The following IMMP2L variants were observed in gnomAD, a reference collection of about 807,000 sequenced individuals.
IMMP2L encodes the protein inner mitochondrial membrane peptidase subunit 2.
IMMP2L carries 18 observed loss-of-function variants against 19.3 expected under a neutral mutation model. The ratio of observed to expected loss-of-function variants is 0.93; its 90% CI spans 0.64 to 1.38. IMMP2L has a LOEUF of 1.38. Among genes scored for constraint, IMMP2L ranks in the 40% most tolerant of loss-of-function variants. IMMP2L has a pLI of 0.00. For missense variants in IMMP2L, 233 were observed against 218.2 expected (o/e 1.07, Z -0.43); for synonymous variants, 76 against 73.0 (o/e 1.04, Z -0.21).
chr7:110,817,286 A>G (rs974252910), intron 5 of IMMP2L, among the ~76,000 whole-genome samples: 3 of 152,084 alleles, frequency 2.0e-5, no homozygotes, highest in Non-Finnish European at 2.9e-5. Flanking sequence ...AAATCAATGT[A>G]CCAAAATCAC....
intron 5 of IMMP2L, among the ~76,000 whole-genome samples, chr7:110,824,458 C>T (rs1004268646): frequency 6.6e-5 from 10 of 152,078 alleles, no homozygotes; most frequent in Non-Finnish European, 4.4e-5. Flanking sequence ...TATGAATTCC[C>T]CAGGCTCAAG....
chr7:111,347,143 C>G (rs1827650674), intron 3 of IMMP2L, among the ~76,000 whole-genome samples: 1 of 152,014 alleles, frequency 6.6e-6, no homozygotes, highest in African/African-American at 2.4e-5. Flanking sequence ...GGCAGAAAGG[C>G]TGGCTTGAGG....
At chr7:110,894,719 T>A (rs1811149113) in intron 4 of IMMP2L, among the ~76,000 whole-genome samples, 1 of 152,214 alleles carries the variant, frequency 6.6e-6, no homozygotes, top group African/African-American at 2.4e-5. Flanking sequence ...TGATGAAGTC[T>A]ATTTAAAACA....
chr7:110,777,346 G>A (rs920443573), intron 5 of IMMP2L, among the ~76,000 whole-genome samples: 5 of 151,844 alleles, frequency 3.3e-5, no homozygotes, highest in Non-Finnish European at 5.9e-5. Context: ...ATGTTTCCAT[G>A]GGGGATAAAT....
intron 5 of IMMP2L, among the ~76,000 whole-genome samples, chr7:110,884,587 A>G (rs1810017089): frequency 6.6e-6 from 1 of 152,084 alleles, no homozygotes; most frequent in Admixed American, 6.6e-5. Context: ...AAGATATTTC[A>G]CAGAGACATC....
In IMMP2L at chr7:110,738,034, C is replaced by G. The variant is rs569982584; in HGVS notation, c.409-74313G>C. Among the ~76,000 whole-genome samples, 110 of 152,274 alleles carry G rather than the reference C, an allele frequency of 7.2e-4. 1 individual carries two copies. Among genetic ancestry groups the G allele is most frequent in the African/African-American group, 2.5e-3 (103 of 41,566 alleles). ...GAGAACACCCCATCAATGAAGCACC[C>G]TGTGGGACAAAAAATCTGCACAGCA... is the stretch of plus-strand genomic sequence containing the variant. On this transcript the variant is annotated intron_variant, in intron 5 of 5. Coordinates refer to ENST00000405709, the MANE Select transcript of IMMP2L (RefSeq NM_032549.4).
At chr7:111,217,919 G>C (rs1812125001) in intron 3 of IMMP2L, among the ~76,000 whole-genome samples, 1 of 151,890 alleles carries the variant, frequency 6.6e-6, no homozygotes, top group South Asian at 2.1e-4. Context: ...AAAGTCTTCG[G>C]TATCTCTCTG....
intron 3 of IMMP2L, among the ~76,000 whole-genome samples, chr7:111,257,564 C>G (rs1267459206): frequency 6.6e-6 from 1 of 152,040 alleles, no homozygotes; most frequent in Non-Finnish European, 1.5e-5. Context: ...CCAACAAAAG[C>G]TAGTTCAGTA....
rs538340088 is a variant in IMMP2L at position 111,445,843 on chromosome 7, G to T, written c.239+41395C>A. 4.6e-5 allele frequency among the ~76,000 whole-genome samples: 7 copies of T among 152,246 alleles called. 1 individual carries two copies. The highest frequency in any genetic ancestry group is 3.9e-4 in the East Asian group (2 of 5,166). On this transcript the variant is annotated intron_variant, in intron 3 of 5. Transcript: ENST00000405709. The stretch of plus-strand genomic sequence containing the variant: ...GCCAGACAGTGGGCGCAGGCCAGTG[G>T]GTGCGCGCACCGTGCGTGAGCCGAA...
chr7:111,323,073 CA>C (rs1824913516), intron 3 of IMMP2L, among the ~76,000 whole-genome samples: 1 of 151,562 alleles, frequency 6.6e-6, no homozygotes, highest in African/African-American at 2.4e-5. Context: ...ATGACTTAAA[CA>C]TTTAATTTGA....
rs560601206 is a variant in IMMP2L, at chr7:111,157,546, A to C, written c.240-193981T>G. Among the ~76,000 whole-genome samples, 6 of 152,214 alleles carry C rather than the reference A, an allele frequency of 3.9e-5. No homozygotes were observed. The South Asian group carries it at 8.3e-4, about 21-fold the overall frequency. On this transcript the variant is annotated intron_variant, in intron 3 of 5. Transcript: ENST00000405709. ...AAAACAATGCAACTCATAGAGGTAGAGAGTAGAATGATGGTTACCAGAGGC... is the reference window on the plus strand; with the variant it reads ...AAAACAATGCAACTCATAGAGGTAGCGAGTAGAATGATGGTTACCAGAGGC...
intron 5 of IMMP2L, among the ~76,000 whole-genome samples, chr7:110,788,130 T>C (rs1800213485): frequency 6.6e-6 from 1 of 152,026 alleles, no homozygotes; most frequent in Non-Finnish European, 1.5e-5. Context: ...CACCCTCCTT[T>C]GACCTAACAT....
intron 5 of IMMP2L, among the ~76,000 whole-genome samples, chr7:110,799,124 A>C (rs1801069756): frequency 6.6e-6 from 1 of 152,066 alleles, no homozygotes; most frequent in Non-Finnish European, 1.5e-5. Context: ...AATACCAGTT[A>C]TCTCCCTTTG....
intron 1 of IMMP2L, among the ~76,000 whole-genome samples, chr7:111,543,509 G>A (rs912409997): frequency 3.3e-5 from 5 of 152,082 alleles, no homozygotes; most frequent in Admixed American, 1.3e-4. Context: ...AATCCCCAAC[G>A]TACTGGCCTC....
intron 3 of IMMP2L, among the ~76,000 whole-genome samples, chr7:111,400,638 C>T (rs1156589909): frequency 6.6e-6 from 1 of 151,968 alleles, no homozygotes; most frequent in African/African-American, 2.4e-5. Context: ...TTTACTGTAC[C>T]TTCCCCATGT....
intron 3 of IMMP2L, among the ~76,000 whole-genome samples, chr7:111,451,847 T>G (rs982543905): frequency 2.8e-4 from 43 of 151,868 alleles, no homozygotes; most frequent in Admixed American, 2.8e-3. Flanking sequence ...TCTCGATATA[T>G]CACTAGAAGC....
At chr7:111,012,463 T>C (rs2129563866) in intron 3 of IMMP2L, among the ~76,000 whole-genome samples, 1 of 152,270 alleles carries the variant, frequency 6.6e-6, no homozygotes, top group South Asian at 2.1e-4. Flanking sequence ...TACATTATAC[T>C]TTTTCAATTT....
intron 3 of IMMP2L, among the ~76,000 whole-genome samples, chr7:111,424,394 G>A (rs1468901525): frequency 6.6e-6 from 1 of 151,682 alleles, no homozygotes; most frequent in Non-Finnish European, 1.5e-5. Flanking sequence ...GTTTGGCTGT[G>A]GTATGAATAA....
intron 3 of IMMP2L, among the ~76,000 whole-genome samples, chr7:111,295,057 T>C (rs1285805193): frequency 1.3e-5 from 2 of 151,898 alleles, no homozygotes; most frequent in Admixed American, 1.3e-4. Context: ...AGTTTCAAAC[T>C]GCATATTACA....
Sources: gnomAD v4.1 joint callset for allele counts (sites outside exome capture counted in the v4.1 genomes callset) on GRCh38, gnomAD v4.1.1 for gene constraint, MANE v1.5 for transcripts, NCBI Gene and HGNC (gene_info 2026-07-23, HGNC 2026-07-21) for gene names.